PTPRD: variants seen among roughly 807,000 people sequenced by gnomAD.
The protein encoded by PTPRD is receptor-type tyrosine-protein phosphatase delta.
PTPRD carries 34 observed loss-of-function variants against 214.5 expected under a neutral mutation model. The ratio of observed to expected loss-of-function variants is 0.16; its 90% confidence interval spans 0.12 to 0.21. PTPRD has a LOEUF of 0.21. PTPRD is among the 10% of genes least tolerant of loss of function. The pLI is 1.00. For missense variants in PTPRD, 2,545 were observed against 2,398.7 expected (o/e 1.06, Z -1.27); for synonymous variants, 1,128 against 845.7 (o/e 1.33, Z -5.79).
At chr9:8,756,633 A>G (rs139874262) in intron 11 of PTPRD, among the ~76,000 whole-genome samples, 1 of 152,300 alleles carries the variant, frequency 6.6e-6, no homozygotes, top group East Asian at 1.9e-4. Flanking sequence ...TTAAGGTCCA[A>G]TCACCAAGCC....
intron 5 of PTPRD, among the ~76,000 whole-genome samples, chr9:9,832,313 A>T (rs1454711769): frequency 6.6e-6 from 1 of 152,052 alleles, no homozygotes; most frequent in African/African-American, 2.4e-5. Flanking sequence ...ACAGCCTGCT[A>T]AGAAAATACC....
intron 12 of PTPRD, among the ~76,000 whole-genome samples, chr9:8,696,707 G>A (rs545861815): frequency 1.1e-4 from 16 of 152,316 alleles, no homozygotes; most frequent in Non-Finnish European, 2.1e-4. Context: ...GATGACGGCA[G>A]AGAGGAATGC....
chr9:9,748,789 T>C (rs2098484074), intron 6 of PTPRD, among the ~76,000 whole-genome samples: 1 of 152,224 alleles, frequency 6.6e-6, no homozygotes, highest in African/African-American at 2.4e-5. Context: ...GTGATTTCAT[T>C]TGGAGATTTA....
intron 3 of PTPRD, among the ~76,000 whole-genome samples, chr9:10,057,620 G>A (rs1182913397): frequency 1.3e-5 from 2 of 152,086 alleles, no homozygotes; most frequent in African/African-American, 2.4e-5. Flanking sequence ...CAAGGCGGGT[G>A]GATCACGAGG....
intron 7 of PTPRD, among the ~76,000 whole-genome samples, chr9:9,609,743 G>A (rs1165067257): frequency 6.6e-6 from 1 of 152,160 alleles, no homozygotes; most frequent in Non-Finnish European, 1.5e-5. Context: ...GATCACAGGT[G>A]TGAGACACCG....
chr9:8,693,220 A>T (rs1203093841), intron 12 of PTPRD, among the ~76,000 whole-genome samples: 4 of 152,166 alleles, frequency 2.6e-5, no homozygotes, highest in Admixed American at 2.6e-4. Context: ...CTTTTCAAGC[A>T]GCTCTGTAAA....
At chr9:9,931,709 C>T (rs1224077501) in intron 5 of PTPRD, among the ~76,000 whole-genome samples, 2 of 151,678 alleles carry the variant, frequency 1.3e-5, no homozygotes, top group African/African-American at 2.4e-5. Context: ...GAAGCTCGAA[C>T]TGGGTGGAGT....
At chr9:9,531,483 C>G (rs74990021) in intron 8 of PTPRD, among the ~76,000 whole-genome samples, 1 of 151,860 alleles carries the variant, frequency 6.6e-6, no homozygotes, top group Non-Finnish European at 1.5e-5. Context: ...TTGCAATGTT[C>G]GAAAGAATTT....
intron 9 of PTPRD, among the ~76,000 whole-genome samples, chr9:9,319,594 T>C (rs1294394177): frequency 2.6e-5 from 4 of 152,318 alleles, no homozygotes; most frequent in East Asian, 1.9e-4. Flanking sequence ...CATTTCCCCA[T>C]ATGTCTTCTA....
At chr9:8,619,067 T>C (rs2095718682) in intron 14 of PTPRD, among the ~76,000 whole-genome samples, 1 of 151,782 alleles carries the variant, frequency 6.6e-6, no homozygotes. Flanking sequence ...GCCATACATT[T>C]ATTTTTTAAT....
chr9:9,191,970 G>T (rs775055743), intron 9 of PTPRD, among the ~76,000 whole-genome samples: 5 of 151,918 alleles, frequency 3.3e-5, no homozygotes, highest in Non-Finnish European at 7.4e-5. Context: ...TTTTCATGTT[G>T]CCCCAATATA....
intron 9 of PTPRD, among the ~76,000 whole-genome samples, chr9:9,359,947 A>G (rs2055374448): frequency 6.6e-6 from 1 of 151,360 alleles, no homozygotes; most frequent in Non-Finnish European, 1.5e-5. Context: ...CAACATAATT[A>G]TAACTTAAGA....
intron 2 of PTPRD, among the ~76,000 whole-genome samples, chr9:10,537,008 T>C (rs2057962324): frequency 6.6e-6 from 1 of 152,172 alleles, no homozygotes; most frequent in Non-Finnish European, 1.5e-5. Context: ...AATCTCAAAC[T>C]ATCCCATAAT....
chr9:9,012,724 T>C (rs1344692535), intron 11 of PTPRD, among the ~76,000 whole-genome samples: 1 of 152,194 alleles, frequency 6.6e-6, no homozygotes, highest in African/African-American at 2.4e-5. Flanking sequence ...CATATGTATG[T>C]ATTTTTGCCA....
intron 8 of PTPRD, among the ~76,000 whole-genome samples, chr9:9,422,142 C>T (rs1267156709): frequency 6.6e-6 from 1 of 152,128 alleles, no homozygotes; most frequent in South Asian, 2.1e-4. Context: ...GCTTTGTATG[C>T]ATCGCTTTGT....
chr9:9,746,828 T>G (rs2098463253), intron 6 of PTPRD, among the ~76,000 whole-genome samples: 1 of 151,976 alleles, frequency 6.6e-6, no homozygotes, highest in African/African-American at 2.4e-5. Context: ...TTTTTTTTTT[T>G]TTTTTGGCAG....
At chr9:8,521,607 A>G (rs1419805319) in intron 19 of PTPRD, 61 bp from the exon 20 acceptor site, 1 of 1,556,008 alleles carries the variant, frequency 6.4e-7, no homozygotes, top group Non-Finnish European at 8.7e-7. Context: ...GGATTATTAA[A>G]CACATGACAT....
At chr9:9,046,260 C>G (rs917419312) in intron 10 of PTPRD, among the ~76,000 whole-genome samples, 6 of 152,144 alleles carry the variant, frequency 3.9e-5, no homozygotes, top group Non-Finnish European at 7.4e-5. Context: ...ATACAAATTA[C>G]AGATAATTAC....
chr9:9,790,380 C>CAA (rs951075440), intron 5 of PTPRD, among the ~76,000 whole-genome samples: 1 of 152,132 alleles, frequency 6.6e-6, no homozygotes, highest in African/African-American at 2.4e-5. Context: ...ACTGTGTCAC[C>CAA]AGTTGGTTTG....
Sources: allele counts gnomAD v4.1 joint callset (sites outside exome capture counted in the v4.1 genomes callset), GRCh38; gene constraint gnomAD v4.1.1; transcripts MANE v1.5; gene names NCBI Gene and HGNC (gene_info 2026-07-23, HGNC 2026-07-21).